ERBB4: variants seen among roughly 807,000 people sequenced by gnomAD.
ERBB4 encodes receptor tyrosine-protein kinase erbB-4.
A neutral mutation model predicts 158.0 loss-of-function variants in ERBB4; 42 were observed. The ratio of observed to expected loss-of-function variants is 0.27; its 90% CI spans 0.21 to 0.34. The LOEUF is 0.34. ERBB4 is among the 10% of genes least tolerant of loss of function. The pLI is 1.00. For missense variants in ERBB4, 1,333 were observed against 1,624.1 expected (o/e 0.82, Z 3.08); for synonymous variants, 583 against 558.7 (o/e 1.04, Z -0.61).
chr2:211,469,187 C>G (rs191622602), intron 20 of ERBB4, among the ~76,000 whole-genome samples: 20 of 152,234 alleles, frequency 1.3e-4, no homozygotes, highest in Non-Finnish European at 2.8e-4. Context: ...CCATGGTCCT[C>G]CTTTTCTGCA....
intron 19 of ERBB4, among the ~76,000 whole-genome samples, chr2:211,583,878 T>C (rs371455748): frequency 1.2e-3 from 177 of 151,424 alleles, no homozygotes; most frequent in Non-Finnish European, 2.3e-3. Flanking sequence ...AGAAATAAAT[T>C]ATTCTTTTGA....
chr2:211,772,117 T>C (rs1258613346), intron 4 of ERBB4, among the ~76,000 whole-genome samples: 1 of 152,182 alleles, frequency 6.6e-6, no homozygotes, highest in Non-Finnish European at 1.5e-5. Context: ...ACCTGTATGG[T>C]GGAAATACTA....
At chr2:211,823,678 A>G (rs2077040447) in intron 3 of ERBB4, among the ~76,000 whole-genome samples, 1 of 152,008 alleles carries the variant, frequency 6.6e-6, no homozygotes, top group Admixed American at 6.6e-5. Context: ...TTTCTACTGC[A>G]TTATCAAAGT....
At chr2:212,113,139 T>A (rs1239299534) in intron 2 of ERBB4, among the ~76,000 whole-genome samples, 2 of 152,042 alleles carry the variant, frequency 1.3e-5, no homozygotes, top group East Asian at 1.9e-4. Flanking sequence ...GGGGAGCATG[T>A]TAAGGTTAGG....
intron 1 of ERBB4, among the ~76,000 whole-genome samples, chr2:212,241,905 T>C (rs149012148): frequency 2.9e-4 from 44 of 152,224 alleles, no homozygotes; most frequent in African/African-American, 9.9e-4. Context: ...AAATTTATTA[T>C]ATAAGTAATA....
At chr2:212,356,081 C>T (rs1431901945) in intron 1 of ERBB4, among the ~76,000 whole-genome samples, 1 of 151,996 alleles carries the variant, frequency 6.6e-6, no homozygotes, top group Non-Finnish European at 1.5e-5. Flanking sequence ...TTTATCCTTA[C>T]AATTATTATA....
chr2:212,465,246 A>C (rs1246311111), intron 1 of ERBB4, among the ~76,000 whole-genome samples: 2 of 152,124 alleles, frequency 1.3e-5, no homozygotes, highest in African/African-American at 2.4e-5. Flanking sequence ...AAGAATGATA[A>C]ATTTTCATGA....
chr2:211,944,189 A>ATAGTG (rs1553517889), intron 3 of ERBB4, among the ~76,000 whole-genome samples: 1 of 51,726 alleles, frequency 1.9e-5, no homozygotes, highest in Non-Finnish European at 3.8e-5. Flanking sequence ...ATATATATAT[A>ATAGTG]TATATATATA....
At chr2:211,755,481 G>A (rs2075269776) in intron 4 of ERBB4, among the ~76,000 whole-genome samples, 2 of 152,088 alleles carry the variant, frequency 1.3e-5, no homozygotes, top group South Asian at 4.1e-4. Context: ...CAGCCTGGGC[G>A]ACGGATCAGA....
intron 20 of ERBB4, among the ~76,000 whole-genome samples, chr2:211,538,602 T>G (rs1386713342): frequency 1.3e-5 from 2 of 151,906 alleles, no homozygotes; most frequent in Non-Finnish European, 2.9e-5. Flanking sequence ...TGACACGGAA[T>G]TAAGTATAAT....
chr2:212,398,095 C>CAT (rs1400960160), intron 1 of ERBB4, among the ~76,000 whole-genome samples: 1 of 106,050 alleles, frequency 9.4e-6, no homozygotes, highest in African/African-American at 4.8e-5. Context: ...TAACCTGATA[C>CAT]ATATATATGT....
chr2:212,211,598 C>A (rs539146484), intron 1 of ERBB4, among the ~76,000 whole-genome samples: 2 of 136,340 alleles, frequency 1.5e-5, no homozygotes, highest in Admixed American at 1.5e-4. Context: ...CCATTTCTTT[C>A]TTTTTTAAAA....
At chr2:211,562,584 G>A (rs1220170903) in intron 19 of ERBB4, among the ~76,000 whole-genome samples, 1 of 152,034 alleles carries the variant, frequency 6.6e-6, no homozygotes, top group Non-Finnish European at 1.5e-5. Context: ...ATATGGAAAT[G>A]TAGATAATTA....
At chr2:212,137,896 C>G (rs575036141) in intron 1 of ERBB4, among the ~76,000 whole-genome samples, 1 of 152,246 alleles carries the variant, frequency 6.6e-6, no homozygotes, top group East Asian at 1.9e-4. Context: ...AAGGAGACAG[C>G]CACCACTAGA....
intron 9 of ERBB4, among the ~76,000 whole-genome samples, chr2:211,705,704 TA>T (rs978802503): frequency 6.6e-6 from 1 of 152,228 alleles, no homozygotes; most frequent in Non-Finnish European, 1.5e-5. Context: ...TATTTTGTTT[TA>T]AAAGTTTATT....
chr2:211,880,105 G>C (rs2078622271), intron 3 of ERBB4, among the ~76,000 whole-genome samples: 1 of 151,634 alleles, frequency 6.6e-6, no homozygotes, highest in Non-Finnish European at 1.5e-5. Flanking sequence ...TCCTTGGTAT[G>C]TCCTCATATT....
intron 16 of ERBB4, among the ~76,000 whole-genome samples, chr2:211,648,810 T>C (rs1409214262): frequency 6.6e-6 from 1 of 151,828 alleles, no homozygotes; most frequent in Non-Finnish European, 1.5e-5. Context: ...AGTCCAGCAC[T>C]ATATTGTCTT....
intron 19 of ERBB4, among the ~76,000 whole-genome samples, chr2:211,609,462 AC>A (rs1448190697): frequency 6.6e-6 from 1 of 152,182 alleles, no homozygotes; most frequent in African/African-American, 2.4e-5. Flanking sequence ...GTCTGGCTAT[AC>A]TTTTTTGAAC....
At chr2:212,119,616 A>G (rs2079682575) in intron 2 of ERBB4, among the ~76,000 whole-genome samples, 1 of 152,160 alleles carries the variant, frequency 6.6e-6, no homozygotes, top group African/African-American at 2.4e-5. Flanking sequence ...TGTGATGGTG[A>G]TAAAATACAT....
Sources: allele counts gnomAD v4.1 joint callset (sites outside exome capture counted in the v4.1 genomes callset), GRCh38; gene constraint gnomAD v4.1.1; transcripts MANE v1.5; gene names NCBI Gene and HGNC (gene_info 2026-07-23, HGNC 2026-07-21).